DMD: variants seen among roughly 807,000 people sequenced by gnomAD.
DMD encodes dystrophin.
A neutral mutation model predicts 330.1 loss-of-function variants in DMD; 63 were observed. The observed-to-expected ratio is 0.19, with a 90% CI of 0.16 to 0.24. The LOEUF is 0.24. Among genes scored for constraint, DMD ranks in the 10% least tolerant of loss-of-function variants. The pLI is 1.00. For synonymous variants in DMD, 1,223 were observed against 959.8 expected, an observed-to-expected ratio of 1.27 and a Z score of -5.07; for missense variants, 3,344 against 2,684.1, an observed-to-expected ratio of 1.25 and a Z score of -5.43.
intron 17 of DMD, among the ~76,000 whole-genome samples, chrX:32,519,263 T>TAAA (rs201722710): frequency 1.4e-5 from 1 of 69,229 alleles, no homozygotes; most frequent in Non-Finnish European, 2.9e-5. Flanking sequence ...AAGTGGAATC[T>TAAA]AAAAAAAAAA....
intron 1 of DMD, among the ~76,000 whole-genome samples, chrX:33,115,530 G>C (rs1333518062): frequency 8.8e-5 from 9 of 102,590 alleles, no homozygotes; most frequent in Non-Finnish European, 1.8e-4. Context: ...TTTTTTTTTC[G>C]AGATGGAGTC....
chrX:33,026,492 G>T (rs1300484285), intron 1 of DMD, among the ~76,000 whole-genome samples: 2 of 109,787 alleles, frequency 1.8e-5, no homozygotes, highest in African/African-American at 6.6e-5. Context: ...TGATATTTTG[G>T]AGCATTATAA....
chrX:31,745,921 C>A (rs2087794077), intron 51 of DMD, among the ~76,000 whole-genome samples: 1 of 108,620 alleles, frequency 9.2e-6, no homozygotes, highest in South Asian at 3.7e-4. Flanking sequence ...GTTATGATGT[C>A]ACATTTTGTG....
At chrX:32,778,913 G>A (rs1240872917) in intron 7 of DMD, among the ~76,000 whole-genome samples, 1 of 111,317 alleles carries the variant, frequency 9.0e-6, no homozygotes, top group African/African-American at 3.3e-5. Flanking sequence ...ATTTCGACAT[G>A]AGTATCCTTG....
At chrX:31,742,295 C>A (rs1351857761) in intron 51 of DMD, among the ~76,000 whole-genome samples, 2 of 112,849 alleles carry the variant, frequency 1.8e-5, no homozygotes, top group African/African-American at 6.4e-5. Flanking sequence ...ACTTGGCCAA[C>A]TGGCACAAGA....
intron 76 of DMD, among the ~76,000 whole-genome samples, chrX:31,144,061 A>G (rs2036397231): frequency 8.9e-6 from 1 of 111,899 alleles, no homozygotes. Flanking sequence ...TAGTAAATTC[A>G]GGAAAATAAC....
intron 62 of DMD, among the ~76,000 whole-genome samples, chrX:31,313,616 T>C (rs1165690076): frequency 9.0e-6 from 1 of 111,091 alleles, no homozygotes; most frequent in African/African-American, 3.3e-5. Context: ...TTTTAGTGTA[T>C]CCATCACCAA....
intron 1 of DMD, among the ~76,000 whole-genome samples, chrX:33,279,367 A>C (rs902628939): frequency 1.8e-5 from 2 of 111,190 alleles, no homozygotes. Context: ...TTTTTCACTC[A>C]GTATAAATTA....
chrX:31,881,049 G>C (rs751551238), intron 47 of DMD, among the ~76,000 whole-genome samples: 76 of 111,266 alleles, frequency 6.8e-4, no homozygotes, highest in Non-Finnish European at 1.3e-3. Flanking sequence ...AGGCTCATGT[G>C]CGTGTTTGTG....
rs745980917 is a variant in DMD at position 31,735,494 on chromosome X, A to T, written c.7543-5746T>A. ...TGTAACTGTCAATTATTGAATATTAATTAGTAACATAGGTTTCTTCATGCC... is the reference window on the plus strand; with the variant it reads ...TGTAACTGTCAATTATTGAATATTATTTAGTAACATAGGTTTCTTCATGCC... On this transcript the variant is annotated intron_variant, in intron 51 of 78. Coordinates refer to ENST00000357033, the MANE Select transcript of DMD (RefSeq NM_004006.3). Among the ~76,000 whole-genome samples the T allele has an allele frequency of 1.5e-3, 166 of 111,921 alleles. 1 individual carries two copies. The highest frequency in any genetic ancestry group is 2.4e-3 in the Non-Finnish European group (127 of 53,218).
Position 32,044,893 on chromosome X carries a change from G to A in DMD, c.6439-76379C>T, listed in dbSNP as rs1037720070. Among the ~76,000 whole-genome samples, 6 of 111,887 alleles carry A rather than the reference G, an allele frequency of 5.4e-5. No individual in the cohort carries two copies. In the Admixed American group the frequency reaches 5.7e-4, roughly 11 times the overall value. On this transcript the variant is annotated intron_variant, in intron 44 of 78. Coordinates refer to ENST00000357033, the MANE Select transcript of DMD (RefSeq NM_004006.3). ...TTTGGACAGGATGTTTCGAATGCAG[G>A]CATGTTGACATATAACTGGACATGA...
chrX:32,651,652 G>A (rs1351397618), intron 9 of DMD, among the ~76,000 whole-genome samples: 3 of 111,110 alleles, frequency 2.7e-5, no homozygotes, highest in Admixed American at 1.9e-4. Flanking sequence ...ACAGCAATGG[G>A]ACACAGCCCA....
intron 54 of DMD, among the ~76,000 whole-genome samples, chrX:31,628,915 C>CATATATATATATATATATATATATATAT (rs10524146): frequency 4.8e-4 from 40 of 82,743 alleles, no homozygotes; most frequent in Middle Eastern, 7.5e-3. Flanking sequence ...TATTTTTGAT[C>CATATATATATATATATATATATATATAT]ATATATATAT....
chrX:32,809,928 A>AAAAAAAAAAAAAAAAAAAAAAAAG (rs2077228558), intron 6 of DMD, among the ~76,000 whole-genome samples: 1 of 85,787 alleles, frequency 1.2e-5, no homozygotes, highest in African/African-American at 4.1e-5. Flanking sequence ...CCAAAAAAAA[A>AAAAAAAAAAAAAAAAAAAAAAAAG]AAAAAAAAAA....
chrX:31,867,650 G>C (rs2093822879), intron 48 of DMD, among the ~76,000 whole-genome samples: 1 of 111,391 alleles, frequency 9.0e-6, no homozygotes, highest in Non-Finnish European at 1.9e-5. Flanking sequence ...GCTTTGACAA[G>C]AAGAGATGCT....
chrX:31,902,289 A>T (rs1000779693), intron 47 of DMD, among the ~76,000 whole-genome samples: 13 of 111,624 alleles, frequency 1.2e-4, no homozygotes, highest in South Asian at 3.7e-4. Flanking sequence ...CGCTCTCCAA[A>T]GTGAATTCTT....
intron 7 of DMD, among the ~76,000 whole-genome samples, chrX:32,729,667 T>C (rs979005782): frequency 8.9e-6 from 1 of 112,055 alleles, no homozygotes; most frequent in Non-Finnish European, 1.9e-5. Flanking sequence ...TAATAGAGTA[T>C]CATAGATGAA....
chrX:33,095,537 G>A (rs1433431531), intron 1 of DMD, among the ~76,000 whole-genome samples: 7 of 112,025 alleles, frequency 6.2e-5, no homozygotes, highest in African/African-American at 1.6e-4. Flanking sequence ...ATTTACATTC[G>A]ATTTATATTA....
intron 44 of DMD, among the ~76,000 whole-genome samples, chrX:32,042,049 A>G (rs952950067): frequency 1.2e-5 from 1 of 82,518 alleles, no homozygotes; most frequent in Non-Finnish European, 2.3e-5. Context: ...ATATATATAT[A>G]TATATATATA....
Sources: gnomAD v4.1 joint callset for allele counts (sites outside exome capture counted in the v4.1 genomes callset) on GRCh38, gnomAD v4.1.1 for gene constraint, MANE v1.5 for transcripts, NCBI Gene and HGNC (gene_info 2026-07-23, HGNC 2026-07-21) for gene names.